Variants in CIT observed in about 807,000 individuals in gnomAD.
CIT encodes citron Rho-interacting kinase.
Under a neutral mutation model 272.7 loss-of-function variants are expected in CIT, and 79 were observed. The observed-to-expected ratio is 0.29, with a 90% confidence interval of 0.24 to 0.35. CIT has a LOEUF of 0.35. Ranked by LOEUF, CIT falls within the 10% of genes least tolerant of loss-of-function variation. The pLI, the probability that CIT is intolerant of heterozygous loss-of-function variation, is 1.00. For synonymous variants in CIT, 948 were observed against 995.6 expected, an observed-to-expected ratio of 0.95 and a Z score of 0.90; for missense variants, 1,909 against 2,618.3, an observed-to-expected ratio of 0.73 and a Z score of 5.91.
Position 119,721,974 on chromosome 12 carries a change from A to G in CIT, c.3592-525T>C, listed in dbSNP as rs545858814. On this transcript the variant is annotated intron_variant, in intron 28 of 47. Transcript: ENST00000392521. ...TAGGGTAAGAGACCCCAACAAGTAC[A>G]TGAATAACCACAATCATGAGACATA... is the stretch of plus-strand genomic sequence containing the variant. Among the ~76,000 whole-genome samples, 13 of 152,356 alleles carry G rather than the reference A, an allele frequency of 8.5e-5. No homozygotes were observed. The East Asian group carries it at 1.7e-3, about 20-fold the overall frequency.
At chr12:119,810,148 G>C (rs1966815953) in intron 9 of CIT, among the ~76,000 whole-genome samples, 1 of 152,202 alleles carries the variant, frequency 6.6e-6, no homozygotes, top group Admixed American at 6.5e-5. Flanking sequence ...AGTTCCAGAG[G>C]CCTGGACTTG....
At chr12:119,857,870 A>C (rs1950218699) in intron 3 of CIT, among the ~76,000 whole-genome samples, 172 bp from the exon 4 acceptor site, 1 of 152,224 alleles carries the variant, frequency 6.6e-6, no homozygotes, top group Non-Finnish European at 1.5e-5. Context: ...AAGTGTTTTT[A>C]TATGTTAAGT....
rs187486454 is a variant in CIT at position 119,804,965 on chromosome 12, T to C, written c.1112-1576A>G. Among the ~76,000 whole-genome samples, 370 of 152,304 alleles carry C rather than the reference T, an allele frequency of 2.4e-3. 2 individuals carry two copies. The highest frequency in any genetic ancestry group is 3.3e-3 in the Non-Finnish European group (225 of 68,034). On this transcript the variant is annotated intron_variant, in intron 9 of 47. Coordinates refer to ENST00000392521, the MANE Select transcript of CIT (RefSeq NM_001206999.2). The surrounding 1 kb of genome is among the most constrained non-coding windows in gnomAD (Gnocchi z 5.3). The stretch of plus-strand genomic sequence containing the variant: ...CTTGCTTAATACTTTAAAAATTAGC[T>C]GATGGAAAGAAAAATTAGATTGAAC...
Position 119,714,246 on chromosome 12 carries a change from A to T in CIT, c.4257T>A (p.Ala1419=). The T allele has an allele frequency of 3.1e-6, 5 of 1,614,160 alleles. No homozygotes were observed. The highest frequency in any genetic ancestry group is 4.2e-6 in the Non-Finnish European group (5 of 1,180,040). Residue 1419 remains alanine, a synonymous_variant, in exon 33 of 48, where the codon GCT becomes GCA. Coordinates refer to ENST00000392521, the MANE Select transcript of CIT (RefSeq NM_001206999.2). ...CAAAGTGCACGGTATCCAGACACACAGCACACTTTGTGGCTCGCATGTTCA... is the reference window on the plus strand; with the variant it reads ...CAAAGTGCACGGTATCCAGACACACTGCACACTTTGTGGCTCGCATGTTCA... ...VGLNMRATKC[A]VCLDTVHFGR... is the part of the protein sequence containing the mutation.
chr12:119,855,419 A>AAAATAAAT (rs781576567), intron 4 of CIT, among the ~76,000 whole-genome samples: 3 of 151,932 alleles, frequency 2.0e-5, no homozygotes, highest in African/African-American at 7.3e-5. Flanking sequence ...ACTCTGTCTC[A>AAAATAAAT]AAATAAATAA....
Position 119,713,796 on chromosome 12 carries a change from T to A in CIT, c.4307-148A>T. 1.3e-6 allele frequency: 1 copy of A among 789,120 alleles called. No homozygotes were observed. Among genetic ancestry groups the A allele is most frequent in the Non-Finnish European group, 2.1e-6 (1 of 482,376 alleles). 48.9% of individuals were successfully genotyped at this position (789,120 alleles called of 1,614,324 possible). A position where few individuals can be genotyped will look rare whatever the true frequency, so the allele number is the denominator to read the frequency against. ...TGCAGGTAGTCTCCTGAGCTTCCCC[T>A]GGTGCCAGGCCCCTGCAGAAAGGGA... On this transcript the variant is annotated intron_variant, in intron 33 of 47. Transcript: ENST00000392521. The surrounding 1 kb of genome is among the most constrained non-coding windows in gnomAD (Gnocchi z 5.2).
chr12:119,750,827 G>A lies in CIT; in HGVS notation c.2904+1223C>T, dbSNP rs570684444. On this transcript the variant is annotated intron_variant, in intron 23 of 47. Coordinates refer to ENST00000392521, the MANE Select transcript of CIT (RefSeq NM_001206999.2). ...TAGAGATGTACACGTGCATTACATC[G>A]AGGTAAAGTGTAAGCAATGAATGTA... Among the ~76,000 whole-genome samples the A allele has an allele frequency of 7.2e-5, 11 of 152,102 alleles. No homozygotes were observed. The South Asian group carries it at 1.5e-3, about 20-fold the overall frequency.
At chr12:119,798,680 C>T (rs983232734) in intron 10 of CIT, among the ~76,000 whole-genome samples, 1 of 152,224 alleles carries the variant, frequency 6.6e-6, no homozygotes, top group African/African-American at 2.4e-5. Flanking sequence ...AGCCCAGTTC[C>T]AGCACAAGTA....
At chr12:119,817,003 C>A (rs73418541) in intron 9 of CIT, among the ~76,000 whole-genome samples, 3,634 of 152,290 alleles carry the variant, frequency 0.024, 136 homozygotes, top group African/African-American at 0.084. Context: ...GGCTGAGAAA[C>A]CCTGTTCTAA....
intron 9 of CIT, among the ~76,000 whole-genome samples, chr12:119,807,615 T>C (rs1807682443): frequency 6.6e-6 from 1 of 152,040 alleles, no homozygotes; most frequent in African/African-American, 2.4e-5. Flanking sequence ...GCTAAGCAAA[T>C]ATATAATTAA....
At chr12:119,818,680 A>C (rs1967419344) in intron 9 of CIT, among the ~76,000 whole-genome samples, 1 of 152,210 alleles carries the variant, frequency 6.6e-6, no homozygotes, top group South Asian at 2.1e-4. Flanking sequence ...GAGAATAGCA[A>C]AAGAAAGACA....
chr12:119,824,680 T>C (rs1423802965), intron 8 of CIT, among the ~76,000 whole-genome samples: 3 of 152,252 alleles, frequency 2.0e-5, no homozygotes, highest in Non-Finnish European at 2.9e-5. Context: ...AATTTTTAAA[T>C]AACATCTAAC....
chr12:119,840,067 G>A (rs756324473), intron 5 of CIT, among the ~76,000 whole-genome samples: 18 of 152,154 alleles, frequency 1.2e-4, no homozygotes, highest in Admixed American at 4.6e-4. Context: ...CAGGAATGCC[G>A]GCATTTGGGG....
rs2137713733 is a variant in CIT at position 119,784,836 on chromosome 12, G to A, written c.1401+124C>T. 2 of 1,458,792 alleles carry A rather than the reference G, an allele frequency of 1.4e-6. No individual in the cohort carries two copies. Among genetic ancestry groups the A allele is most frequent in the Non-Finnish European group, 9.0e-7 (1 of 1,105,594 alleles). 90.4% of individuals were successfully genotyped at this position (1,458,792 alleles called of 1,614,324 possible). A position where few individuals can be genotyped will look rare whatever the true frequency, so the allele number is the denominator to read the frequency against. On this transcript the variant is annotated intron_variant, in intron 11 of 47. Transcript: ENST00000392521. The surrounding 1 kb of genome is among the most constrained non-coding windows in gnomAD (Gnocchi z 4.7). Reference sequence around the variant, plus strand: ...TGGAGGCGCGACTTCAGCGAAGGCAGGAGCGCCTCACTCTCTACGGATCAG... The same window carrying A: ...TGGAGGCGCGACTTCAGCGAAGGCAAGAGCGCCTCACTCTCTACGGATCAG...
chr12:119,831,731 T>C (rs1968650125), intron 7 of CIT, among the ~76,000 whole-genome samples: 2 of 152,076 alleles, frequency 1.3e-5, no homozygotes. Context: ...TAGCTGGGCA[T>C]GGTGGCGGGC....
At chr12:119,858,908 T>C (rs529722966) in intron 3 of CIT, among the ~76,000 whole-genome samples, 19 of 152,270 alleles carry the variant, frequency 1.2e-4, no homozygotes, top group Middle Eastern at 3.4e-3. Flanking sequence ...AGGGCTGACA[T>C]ACTACATGTC....
intron 44 of CIT, chr12:119,698,255 A>G (rs1956341747): frequency 1.6e-6 from 1 of 618,404 alleles, no homozygotes; most frequent in East Asian, 2.8e-5. Context: ...AGAAGATGGA[A>G]AACAACTCAA....
chr12:119,836,974 A>C (rs925766208), intron 5 of CIT, among the ~76,000 whole-genome samples: 2 of 152,242 alleles, frequency 1.3e-5, no homozygotes, highest in Admixed American at 6.5e-5. Context: ...TAAGAGTGGA[A>C]CAACTTCCCA....
intron 9 of CIT, among the ~76,000 whole-genome samples, chr12:119,815,707 A>C (rs1167693052): frequency 1.4e-5 from 2 of 146,420 alleles, no homozygotes; most frequent in Non-Finnish European, 3.0e-5. Flanking sequence ...ACTCCATCTC[A>C]AAAAAAAAAA....
Sources: allele counts gnomAD v4.1 joint callset (sites outside exome capture counted in the v4.1 genomes callset), GRCh38; gene constraint gnomAD v4.1.1; non-coding constraint Gnocchi (gnomAD v3.1); transcripts MANE v1.5; gene names NCBI Gene and HGNC (gene_info 2026-07-23, HGNC 2026-07-21).